Variants in ERBB4 observed in about 807,000 individuals in gnomAD.
The protein encoded by ERBB4 is receptor tyrosine-protein kinase erbB-4.
In ERBB4, 42 loss-of-function variants were observed where a neutral mutation model predicts 158.0. The ratio of observed to expected loss-of-function variants is 0.27; its 90% confidence interval spans 0.21 to 0.34. The LOEUF (loss-of-function observed/expected upper bound fraction) is 0.34, where lower values mean the gene tolerates loss of function less well. Ranked by LOEUF, ERBB4 falls within the 10% of genes least tolerant of loss-of-function variation. ERBB4 has a pLI of 1.00. For synonymous variants in ERBB4, 583 were observed against 558.7 expected, an observed-to-expected ratio of 1.04 and a Z score of -0.61; for missense variants, 1,333 against 1,624.1, an observed-to-expected ratio of 0.82 and a Z score of 3.08.
At chr2:212,117,847 C>T (rs1432308382) in intron 2 of ERBB4, among the ~76,000 whole-genome samples, 4 of 152,124 alleles carry the variant, frequency 2.6e-5, no homozygotes, top group Non-Finnish European at 5.9e-5. Context: ...TTCTGCCACA[C>T]AAGTCATTCT....
chr2:211,792,372 A>G (rs2105866529), intron 3 of ERBB4, among the ~76,000 whole-genome samples: 1 of 151,806 alleles, frequency 6.6e-6, no homozygotes, highest in East Asian at 1.9e-4. Flanking sequence ...GAATATCTTG[A>G]ATTTAAGAAA....
chr2:211,663,866 ACT>A (rs1383646210), intron 15 of ERBB4, among the ~76,000 whole-genome samples: 1 of 151,796 alleles, frequency 6.6e-6, no homozygotes, highest in Non-Finnish European at 1.5e-5. Flanking sequence ...TCTGTTGCTG[ACT>A]CTTTCTTCTG....
chr2:212,124,689 G>A (rs2079865715), intron 2 of ERBB4, 63 bp downstream of exon 2: 1 of 1,545,370 alleles, frequency 6.5e-7, no homozygotes, highest in Non-Finnish European at 8.9e-7. Context: ...ACACAGGTCT[G>A]CCTGTATGCA....
chr2:211,657,440 T>C (rs567874985), intron 16 of ERBB4, among the ~76,000 whole-genome samples: 125 of 148,908 alleles, frequency 8.4e-4, no homozygotes, highest in African/African-American at 3.0e-3. Flanking sequence ...ACCCAGGAGG[T>C]GGAGGTTGCA....
At chr2:212,494,061 C>A (rs1690427335) in intron 1 of ERBB4, among the ~76,000 whole-genome samples, 1 of 151,664 alleles carries the variant, frequency 6.6e-6, no homozygotes, top group South Asian at 2.1e-4. Context: ...GCCAGTATAA[C>A]TATTATATGT....
intron 2 of ERBB4, among the ~76,000 whole-genome samples, chr2:212,000,573 T>C (rs2076080054): frequency 6.6e-6 from 1 of 151,858 alleles, no homozygotes; most frequent in Non-Finnish European, 1.5e-5. Context: ...AAACTAATTA[T>C]GAATTAGGAG....
At chr2:212,155,054 A>C (rs1448600984) in intron 1 of ERBB4, among the ~76,000 whole-genome samples, 1 of 152,186 alleles carries the variant, frequency 6.6e-6, no homozygotes, top group Non-Finnish European at 1.5e-5. Context: ...AATGTACTGT[A>C]AAATTACTGA....
chr2:212,192,916 G>A (rs1559711256), intron 1 of ERBB4, among the ~76,000 whole-genome samples: 3 of 152,116 alleles, frequency 2.0e-5, no homozygotes, highest in African/African-American at 7.2e-5. Context: ...AACAACTAAA[G>A]TTGTTTTGTA....
intron 1 of ERBB4, among the ~76,000 whole-genome samples, chr2:212,181,299 T>G (rs1320882065): frequency 2.0e-5 from 3 of 151,728 alleles, no homozygotes; most frequent in Non-Finnish European, 4.4e-5. Context: ...ACAGAGATTT[T>G]TTGTTGTTGT....
At chr2:211,603,911 C>T (rs564068806) in intron 19 of ERBB4, among the ~76,000 whole-genome samples, 4 of 152,288 alleles carry the variant, frequency 2.6e-5, no homozygotes, top group Non-Finnish European at 5.9e-5. Context: ...TGTATTCCTG[C>T]TATTTGGGTT....
intron 1 of ERBB4, among the ~76,000 whole-genome samples, chr2:212,495,718 A>C (rs1447407780): frequency 1.3e-5 from 2 of 152,188 alleles, no homozygotes; most frequent in Admixed American, 1.3e-4. Context: ...TCCAGAATAC[A>C]TTATCTTTCC....
intron 2 of ERBB4, among the ~76,000 whole-genome samples, chr2:212,106,454 T>G (rs1025115456): frequency 1.3e-5 from 2 of 152,218 alleles, no homozygotes; most frequent in East Asian, 3.9e-4. Context: ...CAGCAAAGCA[T>G]TCAACAGGTG....
intron 1 of ERBB4, among the ~76,000 whole-genome samples, chr2:212,137,667 T>A (rs1413673816): frequency 3.3e-5 from 5 of 152,222 alleles, no homozygotes; most frequent in African/African-American, 1.2e-4. Context: ...CAGAATGATT[T>A]ATATTCCTCT....
intron 12 of ERBB4, among the ~76,000 whole-genome samples, 172 bp from the exon 13 acceptor site, chr2:211,679,356 T>C (rs1193924423): frequency 1.3e-5 from 2 of 152,232 alleles, no homozygotes; most frequent in Non-Finnish European, 2.9e-5. Flanking sequence ...TCTTCTATAT[T>C]GCAGAGTCCT....
chr2:211,598,371 G>A (rs1008045574), intron 19 of ERBB4, among the ~76,000 whole-genome samples: 10 of 152,256 alleles, frequency 6.6e-5, no homozygotes, highest in South Asian at 4.1e-4. Flanking sequence ...CTACAATGTC[G>A]TGCTGGGCTG....
intron 9 of ERBB4, 92 bp from the exon 10 acceptor site, chr2:211,705,483 T>G: frequency 2.2e-6 from 2 of 901,198 alleles, no homozygotes; most frequent in Non-Finnish European, 3.7e-6. Flanking sequence ...CAAATTTAAT[T>G]TTAATTAGCA....
chr2:211,562,906 G>A (rs1372025054), intron 19 of ERBB4, among the ~76,000 whole-genome samples: 4 of 150,788 alleles, frequency 2.7e-5, no homozygotes, highest in Admixed American at 1.3e-4. Flanking sequence ...CAAGTAGCTG[G>A]GACTACAGGC....
At chr2:211,849,170 T>C (rs2106026326) in intron 3 of ERBB4, among the ~76,000 whole-genome samples, 2 of 152,084 alleles carry the variant, frequency 1.3e-5, no homozygotes, top group East Asian at 3.9e-4. Context: ...GATATCAACA[T>C]GAAAAAGTAT....
chr2:211,554,515 G>C (rs1450373525), intron 20 of ERBB4, among the ~76,000 whole-genome samples: 2 of 152,224 alleles, frequency 1.3e-5, no homozygotes, highest in Admixed American at 6.5e-5. Context: ...AGGAGGGCCT[G>C]CAGGTACAGG....
Sources: allele counts gnomAD v4.1 joint callset (sites outside exome capture counted in the v4.1 genomes callset), GRCh38; gene constraint gnomAD v4.1.1; transcripts MANE v1.5; gene names NCBI Gene and HGNC (gene_info 2026-07-23, HGNC 2026-07-21).